MCEE: variants seen among roughly 807,000 people sequenced by gnomAD.
The protein encoded by MCEE is methylmalonyl-CoA epimerase.
In MCEE, 6 loss-of-function variants were observed where a neutral mutation model predicts 12.9. The observed-to-expected ratio is 0.47, with a 90% CI of 0.26 to 0.92. The LOEUF (loss-of-function observed/expected upper bound fraction) is 0.92. Ranked by LOEUF, MCEE falls within the 40% of genes least tolerant of loss-of-function variation. MCEE has a pLI of 0.16. For synonymous variants in MCEE, 78 were observed against 77.9 expected, an observed-to-expected ratio of 1.00 and a Z score of -0.01; for missense variants, 214 against 212.1, an observed-to-expected ratio of 1.01 and a Z score of -0.05.
intron 1 of MCEE, among the ~76,000 whole-genome samples, chr2:71,125,211 A>ATATATATATATTTTTTTTTTTTTTT: frequency 2.1e-5 from 1 of 48,610 alleles, no homozygotes. Flanking sequence ...ATATATATAT[A>ATATATATATATTTTTTTTTTTTTTT]TTTTTTTTTT....
chr2:71,113,979 T>C (rs1457041103), intron 2 of MCEE, among the ~76,000 whole-genome samples: 2 of 151,652 alleles, frequency 1.3e-5, no homozygotes, highest in African/African-American at 4.8e-5. Context: ...ATAAGAAAAA[T>C]ATCACACAAA....
chr2:71,115,630 A>G lies in MCEE; in HGVS notation c.379-5508T>C, dbSNP rs1276608791. On this transcript the variant is annotated intron_variant, in intron 2 of 2. Coordinates refer to ENST00000244217, the MANE Select transcript of MCEE (RefSeq NM_032601.4). ...GATGCAATAGTTGTAAGAAATGCAG[A>G]GCAATTTGATTTGGGAAATTAAATC... 2.0e-5 allele frequency among the ~76,000 whole-genome samples: 3 copies of G among 150,420 alleles called. 1 individual carries two copies. Among genetic ancestry groups the G allele is most frequent in the Non-Finnish European group, 4.4e-5 (3 of 68,030 alleles).
chr2:71,116,323 C>T lies in MCEE; in HGVS notation c.379-6201G>A, dbSNP rs575292461. ...TCCTGACCTCGTGATCCACCCGCCT[C>T]GGCCTCCCAAAAGTGCTGGGATTAC... On this transcript the variant is annotated intron_variant, in intron 2 of 2. Transcript: ENST00000244217. 8.0e-5 allele frequency among the ~76,000 whole-genome samples: 12 copies of T among 150,374 alleles called. 1 individual carries two copies. In the South Asian group the frequency reaches 8.3e-4, roughly 10 times the overall value.
At chr2:71,111,524 A>G (rs1672884589) in intron 2 of MCEE, among the ~76,000 whole-genome samples, 1 of 152,182 alleles carries the variant, frequency 6.6e-6, no homozygotes. Flanking sequence ...TATGACTAGT[A>G]AGAAAAAACT....
chr2:71,116,565 T>C (rs1227995669), intron 2 of MCEE, among the ~76,000 whole-genome samples: 1 of 141,992 alleles, frequency 7.0e-6, no homozygotes, highest in Non-Finnish European at 1.5e-5. Context: ...TTTTTTTTTT[T>C]GAGATGGAGT....
At chr2:71,114,038 A>G (rs1672943826) in intron 2 of MCEE, among the ~76,000 whole-genome samples, 1 of 152,200 alleles carries the variant, frequency 6.6e-6, no homozygotes, top group African/African-American at 2.4e-5. Flanking sequence ...AATCTTCAAA[A>G]GTGTTAAGGT....
At position 71,124,351 on chromosome 2, in the gene MCEE, G is replaced by A. The variant is rs780845647; in HGVS notation, c.233C>T (p.Pro78Leu). Reference sequence around the variant, plus strand: ...AACAGATACTCCATGTTCAGGAAGAGGGACCGCTTCACTTACCTGGGCCCC... The same window carrying A: ...AACAGATACTCCATGTTCAGGAAGAAGGACCGCTTCACTTACCTGGGCCCC... ...ILGAQVSEAV[P>L]LPEHGVSVVF... The change falls in exon 2 of 3, where the codon CCT becomes CTT. Residue 78 changes from proline (P) to leucine (L), a missense_variant. Pro to Leu is a moderately conservative substitution (Grantham distance 98). Transcript: ENST00000244217. 7.4e-6 allele frequency: 12 copies of A among 1,614,166 alleles called. No homozygotes were observed. Among genetic ancestry groups the A allele is most frequent in the Non-Finnish European group, 7.6e-6 (9 of 1,180,024 alleles).
At chr2:71,129,561 T>TC (rs1390410997) in intron 1 of MCEE, among the ~76,000 whole-genome samples, 1 of 152,088 alleles carries the variant, frequency 6.6e-6, no homozygotes, top group Non-Finnish European at 1.5e-5. Flanking sequence ...TACAGTTATT[T>TC]CTGTCATAAC....
chr2:71,113,758 T>C (rs889698604), intron 2 of MCEE, among the ~76,000 whole-genome samples: 14 of 152,178 alleles, frequency 9.2e-5, no homozygotes, highest in African/African-American at 3.4e-4. Context: ...GTGTGGGCCT[T>C]GCATAATGAC....
chr2:71,113,697 C>A (rs972489035), intron 2 of MCEE, among the ~76,000 whole-genome samples: 43 of 152,104 alleles, frequency 2.8e-4, no homozygotes, highest in African/African-American at 9.7e-4. Flanking sequence ...TAATGCAAGT[C>A]ATAAAATAAA....
intron 2 of MCEE, 27 bp downstream of exon 2, chr2:71,124,179 T>C (rs1454425501): frequency 6.6e-7 from 1 of 1,512,334 alleles, no homozygotes; most frequent in Non-Finnish European, 9.2e-7. Flanking sequence ...AGATTTAAAA[T>C]ACCAGGCATT....
At chr2:71,113,786 T>G (rs182384545) in intron 2 of MCEE, among the ~76,000 whole-genome samples, 3 of 152,218 alleles carry the variant, frequency 2.0e-5, no homozygotes, top group Admixed American at 2.0e-4. Flanking sequence ...CAAAAGAGGA[T>G]AGTATGGAGG....
intron 2 of MCEE, 77 bp downstream of exon 2, chr2:71,124,129 A>G: frequency 9.0e-7 from 1 of 1,114,568 alleles, no homozygotes; most frequent in East Asian, 2.5e-5. Flanking sequence ...GACAGTGACC[A>G]TAAATAGACT....
intron 1 of MCEE, among the ~76,000 whole-genome samples, chr2:71,129,204 T>C (rs1254637268): frequency 6.6e-6 from 1 of 152,210 alleles, no homozygotes; most frequent in African/African-American, 2.4e-5. Context: ...GTATATGACC[T>C]GTTGGAAGTC....
Position 71,109,971 on chromosome 2 carries a change from C to G in MCEE, c.530G>C (p.Ter177SerextTer7), listed in dbSNP as rs928351690. 6.2e-7 allele frequency: 1 copy of G among 1,613,326 alleles called. No homozygotes were observed. ...GGVLVELEQA[*>S] ...AATTTAGTTGCTTGCAAATATAAAT[C>G]AAGCTTGCTCCAGTTCCACAAGGAC... The change falls in exon 3 of 3, where the codon TGA becomes TCA. Residue 177 changes from the stop codon to serine, a stop_lost. Coordinates refer to ENST00000244217, the MANE Select transcript of MCEE (RefSeq NM_032601.4).
intron 2 of MCEE, among the ~76,000 whole-genome samples, chr2:71,118,929 C>T (rs780910128): frequency 2.0e-5 from 3 of 149,608 alleles, no homozygotes; most frequent in Non-Finnish European, 4.4e-5. Context: ...TGCATGGGCA[C>T]TCAGTCTCTG....
intron 1 of MCEE, among the ~76,000 whole-genome samples, chr2:71,128,409 G>T (rs1261389273): frequency 6.6e-6 from 1 of 152,056 alleles, no homozygotes; most frequent in East Asian, 1.9e-4. Flanking sequence ...GTACACCCAC[G>T]TTCATAGCTG....
At chr2:71,125,212 T>TATATATATATATATATA (rs1553440375) in intron 1 of MCEE, among the ~76,000 whole-genome samples, 5 of 33,606 alleles carry the variant, frequency 1.5e-4, no homozygotes, top group Non-Finnish European at 2.4e-4. Flanking sequence ...TATATATATA[T>TATATATATATATATATA]TTTTTTTTTT....
At chr2:71,114,362 A>G (rs1672950190) in intron 2 of MCEE, among the ~76,000 whole-genome samples, 1 of 145,272 alleles carries the variant, frequency 6.9e-6, no homozygotes, top group East Asian at 2.1e-4. Flanking sequence ...AAAAAAAAAA[A>G]TGTGATGTGA....
Sources: gnomAD v4.1 joint callset for allele counts (sites outside exome capture counted in the v4.1 genomes callset) on GRCh38, gnomAD v4.1.1 for gene constraint, MANE v1.5 for transcripts, NCBI Gene and HGNC (gene_info 2026-07-23, HGNC 2026-07-21) for gene names.